The following CAPZB variants were observed in gnomAD, a reference collection of about 807,000 sequenced individuals.
The protein encoded by CAPZB is capping actin protein of muscle Z-line subunit beta, also known as F-actin-capping protein subunit beta.
A neutral mutation model predicts 38.1 loss-of-function variants in CAPZB; 2 were observed. The observed-to-expected ratio is 0.05, with a 90% confidence interval of 0.02 to 0.17. The LOEUF (loss-of-function observed/expected upper bound fraction) is 0.17, where lower values mean the gene tolerates loss of function less well. Among genes scored for constraint, CAPZB ranks in the 10% least tolerant of loss-of-function variants. The probability of loss-of-function intolerance (pLI) is 1.00; values close to 1 mark genes in which losing one functional copy is unlikely to be tolerated. For synonymous variants in CAPZB, 107 were observed against 127.4 expected, an observed-to-expected ratio of 0.84 and a Z score of 1.08; for missense variants, 161 against 334.2, an observed-to-expected ratio of 0.48 and a Z score of 4.04.
At chr1:19,434,739 G>A (rs2094452681) in intron 1 of CAPZB, among the ~76,000 whole-genome samples, 1 of 151,972 alleles carries the variant, frequency 6.6e-6, no homozygotes, top group Admixed American at 6.6e-5. Context: ...AACCAGCTTG[G>A]GCAACACGGT....
intron 2 of CAPZB, among the ~76,000 whole-genome samples, chr1:19,415,237 C>T (rs1306565832): frequency 3.9e-5 from 6 of 152,246 alleles, no homozygotes; most frequent in Admixed American, 2.0e-4. Flanking sequence ...ATCTCCCCCC[C>T]TTCATTATCT....
intron 4 of CAPZB, among the ~76,000 whole-genome samples, chr1:19,360,026 G>A (rs771727887): frequency 3.3e-5 from 5 of 152,210 alleles, no homozygotes; most frequent in African/African-American, 4.8e-5. Flanking sequence ...CAGAGTTGGA[G>A]AGATCAGGCC....
At chr1:19,468,637 T>C (rs1466819399) in intron 1 of CAPZB, among the ~76,000 whole-genome samples, 1 of 152,080 alleles carries the variant, frequency 6.6e-6, no homozygotes, top group Non-Finnish European at 1.5e-5. Flanking sequence ...AATCAGAGCC[T>C]CCTTCCACCC....
chr1:19,464,288 GAT>G (rs2094561900), intron 1 of CAPZB, among the ~76,000 whole-genome samples: 1 of 146,998 alleles, frequency 6.8e-6, no homozygotes, highest in Non-Finnish European at 1.5e-5. Context: ...TATCTCTGAA[GAT>G]TTTTTTTTTT....
chr1:19,477,909 A>C (rs1031895342), intron 1 of CAPZB, among the ~76,000 whole-genome samples: 2 of 152,196 alleles, frequency 1.3e-5, no homozygotes, highest in African/African-American at 4.8e-5. Context: ...AAGTTAAAGT[A>C]CTTCACTTGG....
At chr1:19,364,969 C>T (rs2094075418) in intron 4 of CAPZB, among the ~76,000 whole-genome samples, 1 of 152,028 alleles carries the variant, frequency 6.6e-6, no homozygotes, top group South Asian at 2.1e-4. Flanking sequence ...ACCTCAGCCT[C>T]CTGAGTAGCT....
chr1:19,370,494 C>T (rs115036561), intron 4 of CAPZB, among the ~76,000 whole-genome samples: 3,379 of 152,266 alleles, frequency 0.022, 139 homozygotes, highest in African/African-American at 0.076. Context: ...ATGGGCTTGA[C>T]GGCATGTGTG....
intron 4 of CAPZB, among the ~76,000 whole-genome samples, chr1:19,371,201 T>G (rs1365116148): frequency 6.6e-6 from 1 of 152,114 alleles, no homozygotes; most frequent in Non-Finnish European, 1.5e-5. Context: ...CTGTGGGAGG[T>G]GGTGGAAGAG....
At position 19,393,366 on chromosome 1, in the gene CAPZB, C is replaced by T. The variant is rs192011106; in HGVS notation, c.94-7740G>A. Among the ~76,000 whole-genome samples, 733 of 152,280 alleles carry T rather than the reference C, an allele frequency of 4.8e-3. 11 individuals carry two copies. Among genetic ancestry groups the T allele is most frequent in the African/African-American group, 0.016 (656 of 41,558 alleles). On this transcript the variant is annotated intron_variant, in intron 2 of 8. Transcript: ENST00000264202. ...ACCAGAGGGGGACCCCAGGGGCTCC[C>T]GCTCACCCCAGGAAGCATCAAAACA...
At chr1:19,408,005 C>T (rs1352591552) in intron 2 of CAPZB, among the ~76,000 whole-genome samples, 3 of 152,204 alleles carry the variant, frequency 2.0e-5, no homozygotes, top group Non-Finnish European at 4.4e-5. Flanking sequence ...TTCAGCTTCC[C>T]ATTCAGGGAT....
At chr1:19,444,285 G>A (rs2094489104) in intron 1 of CAPZB, among the ~76,000 whole-genome samples, 1 of 152,176 alleles carries the variant, frequency 6.6e-6, no homozygotes, top group African/African-American at 2.4e-5. Context: ...CATGGCCCCA[G>A]GGCTTGCCCC....
intron 2 of CAPZB, among the ~76,000 whole-genome samples, chr1:19,408,474 G>A (rs961907190): frequency 6.6e-6 from 1 of 151,146 alleles, no homozygotes; most frequent in African/African-American, 2.4e-5. Context: ...TGGCTCTAGT[G>A]AGCCACCCAG....
At chr1:19,402,087 T>C (rs2094306199) in intron 2 of CAPZB, among the ~76,000 whole-genome samples, 1 of 152,198 alleles carries the variant, frequency 6.6e-6, no homozygotes, top group African/African-American at 2.4e-5. Context: ...AGGCCTGGAC[T>C]CTCCACCCTT....
intron 4 of CAPZB, among the ~76,000 whole-genome samples, chr1:19,372,735 C>T (rs1234004082): frequency 6.6e-6 from 1 of 152,106 alleles, no homozygotes; most frequent in Non-Finnish European, 1.5e-5. Context: ...AATGATCCTC[C>T]GAGCCAGCTG....
At chr1:19,467,642 GAT>G (rs1214098100) in intron 1 of CAPZB, among the ~76,000 whole-genome samples, 1 of 152,146 alleles carries the variant, frequency 6.6e-6, no homozygotes, top group Admixed American at 6.6e-5. Flanking sequence ...TATCAGCTCA[GAT>G]ATTTAATCCA....
chr1:19,381,647 G>C (rs970488198), intron 3 of CAPZB, among the ~76,000 whole-genome samples: 3 of 148,810 alleles, frequency 2.0e-5, no homozygotes, highest in African/African-American at 2.5e-5. Context: ...ATGGTCCACT[G>C]TACAGGACCA....
At chr1:19,402,100 C>T (rs1339918309) in intron 2 of CAPZB, among the ~76,000 whole-genome samples, 7 of 152,324 alleles carry the variant, frequency 4.6e-5, no homozygotes, top group African/African-American at 1.4e-4. Context: ...CCACCCTTCT[C>T]CTCTGCCAAA....
chr1:19,480,417 A>C (rs982427060), intron 1 of CAPZB, among the ~76,000 whole-genome samples: 1 of 152,210 alleles, frequency 6.6e-6, no homozygotes, highest in Non-Finnish European at 1.5e-5. Context: ...TGAGTGGCAG[A>C]CAGGACTCAA....
intron 1 of CAPZB, among the ~76,000 whole-genome samples, chr1:19,456,540 C>A (rs564795467): frequency 1.5e-4 from 23 of 152,304 alleles, no homozygotes; most frequent in African/African-American, 5.5e-4. Context: ...GGTTCATCGA[C>A]TGCCTCACAT....
Sources: allele counts gnomAD v4.1 joint callset (sites outside exome capture counted in the v4.1 genomes callset), GRCh38; gene constraint gnomAD v4.1.1; transcripts MANE v1.5; gene names NCBI Gene and HGNC (gene_info 2026-07-23, HGNC 2026-07-21).